Variants in UBA6 observed in about 807,000 individuals in gnomAD.
UBA6 encodes the protein ubiquitin like modifier activating enzyme 6, also known as ubiquitin-like modifier-activating enzyme 6.
A neutral mutation model predicts 148.3 loss-of-function variants in UBA6; 87 were observed. The observed-to-expected ratio is 0.59, with a 90% CI of 0.49 to 0.70. The LOEUF is 0.70. Ranked by LOEUF, UBA6 falls within the 30% of genes least tolerant of loss-of-function variation. The probability of loss-of-function intolerance (pLI) is 0.00; values close to 1 mark genes in which losing one functional copy is unlikely to be tolerated. For missense variants in UBA6, 1,186 were observed against 1,241.2 expected (o/e 0.96, Z 0.67); for synonymous variants, 376 against 401.0 (o/e 0.94, Z 0.75).
In UBA6 at chr4:67,613,019, T is replaced by G. The variant is rs1728566874; in HGVS notation, c.*5978A>C. The G allele has an allele frequency of 1.3e-5, 2 of 152,202 alleles. No homozygotes were observed. The highest frequency in any genetic ancestry group is 1.3e-4 in the Admixed American group (2 of 15,276). 9.4% of individuals were successfully genotyped at this position (152,202 alleles called of 1,614,324 possible). On this transcript the variant is annotated 3_prime_UTR_variant, in exon 33 of 33. Coordinates refer to ENST00000322244, the MANE Select transcript of UBA6 (RefSeq NM_018227.6). ...AGATTCAAAAAGAGTCCAGGGTCAG[T>G]GAAGAGGTAAGGGCCTGGTAACTCC...
At chr4:67,690,593 A>G (rs1204640919) in intron 2 of UBA6, among the ~76,000 whole-genome samples, 1 of 152,126 alleles carries the variant, frequency 6.6e-6, no homozygotes, top group Non-Finnish European at 1.5e-5. Flanking sequence ...CTCAATACCA[A>G]AAAACCCCTG....
chr4:67,631,118 T>A (rs1347748053), intron 25 of UBA6, among the ~76,000 whole-genome samples: 3 of 152,092 alleles, frequency 2.0e-5, no homozygotes, highest in African/African-American at 7.2e-5. Flanking sequence ...CCCAGCTACT[T>A]GGGAAGCTGA....
intron 6 of UBA6, among the ~76,000 whole-genome samples, chr4:67,675,802 AAAAT>A (rs1730265399): frequency 6.6e-6 from 1 of 152,068 alleles, no homozygotes; most frequent in Non-Finnish European, 1.5e-5. Context: ...GAAAGAAAGA[AAAAT>A]AAATAAAAAT....
intron 28 of UBA6, among the ~76,000 whole-genome samples, 176 bp from the exon 29 acceptor site, chr4:67,625,363 T>TC (rs1421790327): frequency 6.6e-6 from 1 of 151,142 alleles, no homozygotes; most frequent in Non-Finnish European, 1.5e-5. Context: ...AAACAGCTTT[T>TC]CCCATGATTA....
At chr4:67,657,657 A>AGTT in intron 13 of UBA6, among the ~76,000 whole-genome samples, 1 of 152,190 alleles carries the variant, frequency 6.6e-6, no homozygotes, top group African/African-American at 2.4e-5. Context: ...AATGGCAACA[A>AGTT]AAGCCAAAAT....
chr4:67,696,506 TAC>T, intron 2 of UBA6, 137 bp downstream of exon 2: 5 of 578,740 alleles, frequency 8.6e-6, no homozygotes, highest in Non-Finnish European at 1.5e-5. Context: ...TATACACACA[TAC>T]ATATATACAT....
chr4:67,688,858 C>A (rs1730630787), intron 2 of UBA6, among the ~76,000 whole-genome samples: 1 of 151,930 alleles, frequency 6.6e-6, no homozygotes, highest in Non-Finnish European at 1.5e-5. Context: ...ACCTAAGATG[C>A]AGTTATTTAT....
intron 26 of UBA6, among the ~76,000 whole-genome samples, chr4:67,629,952 G>A (rs916266921): frequency 2.6e-5 from 4 of 152,014 alleles, no homozygotes; most frequent in African/African-American, 4.8e-5. Context: ...TCTCAAAACC[G>A]TATGAGGCTC....
chr4:67,666,835 G>A lies in UBA6; in HGVS notation c.794-1543C>T, dbSNP rs186946321. Among the ~76,000 whole-genome samples the A allele has an allele frequency of 3.4e-4, 51 of 152,078 alleles. No individual in the cohort carries two copies. In the East Asian group the frequency reaches 6.6e-3, roughly 20 times the overall value. On this transcript the variant is annotated intron_variant, in intron 9 of 32. Transcript: ENST00000322244. ...GGCTGCAGTGAGCCATGATCATGTCGCTGCACTTCAGCCTGGGCAACAGAG... is the reference window on the plus strand; with the variant it reads ...GGCTGCAGTGAGCCATGATCATGTCACTGCACTTCAGCCTGGGCAACAGAG...
At chr4:67,644,058 C>G (rs1243482052) in intron 17 of UBA6, among the ~76,000 whole-genome samples, 1 of 151,952 alleles carries the variant, frequency 6.6e-6, no homozygotes, top group Non-Finnish European at 1.5e-5. Flanking sequence ...AAAAGGTGAT[C>G]CATCATATAA....
chr4:67,699,759 C>T (rs558443416), intron 1 of UBA6, among the ~76,000 whole-genome samples: 2 of 152,144 alleles, frequency 1.3e-5, no homozygotes, highest in South Asian at 4.1e-4. Flanking sequence ...GCATCACCTA[C>T]GCCCAGCTAA....
chr4:67,635,389 T>C (rs889369426), intron 20 of UBA6, 64 bp downstream of exon 20: 5 of 1,025,920 alleles, frequency 4.9e-6, no homozygotes, highest in African/African-American at 1.6e-5. Flanking sequence ...AATCAAATTG[T>C]TGATTAAGAC....
chr4:67,681,437 T>C, intron 4 of UBA6, 126 bp downstream of exon 4: 2 of 579,014 alleles, frequency 3.5e-6, no homozygotes, highest in Non-Finnish European at 2.9e-6. Flanking sequence ...TAAATTTCCA[T>C]GATTTTTTTT....
At chr4:67,667,138 C>G (rs942315140) in intron 9 of UBA6, among the ~76,000 whole-genome samples, 1 of 152,050 alleles carries the variant, frequency 6.6e-6, no homozygotes, top group Non-Finnish European at 1.5e-5. Context: ...ACTATCACCA[C>G]AATTCACCAC....
chr4:67,673,525 CTT>C (rs1442511145), intron 7 of UBA6, among the ~76,000 whole-genome samples, 170 bp downstream of exon 7: 3 of 151,008 alleles, frequency 2.0e-5, no homozygotes, highest in Admixed American at 2.0e-4. Context: ...ATAAACCAAA[CTT>C]AGATCCTAGT....
At chr4:67,634,639 A>C in intron 20 of UBA6, 121 bp from the exon 21 acceptor site, 4 of 600,658 alleles carry the variant, frequency 6.7e-6, no homozygotes, top group Non-Finnish European at 8.2e-6. Context: ...ATCCAACCAG[A>C]CATTTTTATA....
intron 13 of UBA6, among the ~76,000 whole-genome samples, chr4:67,658,044 G>C (rs962200154): frequency 1.2e-4 from 19 of 152,114 alleles, no homozygotes; most frequent in African/African-American, 4.6e-4. Flanking sequence ...GGAAACTACA[G>C]ATGCTGGAGA....
chr4:67,634,916 T>G (rs985964585), intron 20 of UBA6, among the ~76,000 whole-genome samples: 1 of 152,086 alleles, frequency 6.6e-6, no homozygotes, highest in Non-Finnish European at 1.5e-5. Flanking sequence ...AGTTTTTCCA[T>G]GGAGAAAAAC....
rs116167813 is a variant in UBA6, at chr4:67,681,694, T to C, written c.230-103A>G. ...TATCTGACTGCATACTTTTAACTTC[T>C]TTTTTTACTACTTAATACAAGTTCC... On this transcript the variant is annotated intron_variant, in intron 3 of 32. Coordinates refer to ENST00000322244, the MANE Select transcript of UBA6 (RefSeq NM_018227.6). 1,317 of 733,316 alleles carry C rather than the reference T, an allele frequency of 1.8e-3. 16 individuals carry two copies. In the African/African-American group the frequency reaches 0.022, roughly 12 times the overall value. The allele number at this position is 733,316 out of a possible 1,614,324, so 45.4% of individuals were successfully genotyped here.
Sources: allele counts gnomAD v4.1 joint callset (sites outside exome capture counted in the v4.1 genomes callset), GRCh38; gene constraint gnomAD v4.1.1; transcripts MANE v1.5; gene names NCBI Gene and HGNC (gene_info 2026-07-23, HGNC 2026-07-21).